Variants in PMS1 observed in about 807,000 individuals in gnomAD.
PMS1 encodes PMS1 protein homolog 1.
A neutral mutation model predicts 93.1 loss-of-function variants in PMS1; 79 were observed. That is an observed-to-expected ratio of 0.85 (90% CI 0.71 to 1.02). The LOEUF (loss-of-function observed/expected upper bound fraction) is 1.02, where lower values mean the gene tolerates loss of function less well. Ranked by LOEUF, PMS1 falls within the 50% of genes least tolerant of loss-of-function variation. The pLI, the probability that PMS1 is intolerant of heterozygous loss-of-function variation, is 0.00. For missense variants in PMS1, 1,064 were observed against 1,085.3 expected (o/e 0.98, Z 0.28); for synonymous variants, 335 against 363.4 (o/e 0.92, Z 0.89).
chr2:189,847,044 T>C (rs1474438270), intron 6 of PMS1, among the ~76,000 whole-genome samples: 2 of 151,992 alleles, frequency 1.3e-5, no homozygotes, highest in African/African-American at 4.8e-5. Context: ...GTATTTTTAA[T>C]AGAGATGGGG....
Position 189,863,836 on chromosome 2 carries a change from C to T in PMS1, c.1950C>T (p.Gly650=), listed in dbSNP as rs2056296440. 1 of 1,613,720 alleles carries T rather than the reference C, an allele frequency of 6.2e-7. No individual in the cohort carries two copies. The highest frequency in any genetic ancestry group is 1.1e-5 in the South Asian group (1 of 91,074). Residue 650 remains glycine (G), a synonymous_variant, in exon 10 of 13, where the codon GGC becomes GGT. Coordinates refer to ENST00000441310, the MANE Select transcript of PMS1 (RefSeq NM_000534.5). ...AGTCACAAATGTCACTAAAAGATGG[C>T]AGAAAAAAGATAAAACCCACCAGCG... ...EQESQMSLKD[G]RKKIKPTSAW...
intron 3 of PMS1, 51 bp from the exon 4 acceptor site, chr2:189,805,601 C>T: frequency 7.5e-7 from 1 of 1,333,142 alleles, no homozygotes; most frequent in East Asian, 2.3e-5. Flanking sequence ...TGATAATGAA[C>T]CCATCGCAAT....
chr2:189,870,924 G>A (rs914136408), intron 11 of PMS1, among the ~76,000 whole-genome samples: 1 of 152,208 alleles, frequency 6.6e-6, no homozygotes. Flanking sequence ...ACCTGAGACT[G>A]TGTAAGACTC....
At chr2:189,872,799 AT>A (rs947221648) in intron 11 of PMS1, among the ~76,000 whole-genome samples, 8 of 151,428 alleles carry the variant, frequency 5.3e-5, no homozygotes, top group African/African-American at 1.7e-4. Context: ...CACTCGTCTA[AT>A]TTTTTTTGTA....
chr2:189,843,542 C>T (rs113172785), intron 5 of PMS1, among the ~76,000 whole-genome samples: 393 of 152,318 alleles, frequency 2.6e-3, no homozygotes, highest in African/African-American at 9.2e-3. Context: ...CTCAGTAAAA[C>T]AGTAATACCT....
intron 4 of PMS1, among the ~76,000 whole-genome samples, chr2:189,813,028 T>C (rs2050976189): frequency 6.6e-6 from 1 of 152,206 alleles, no homozygotes; most frequent in African/African-American, 2.4e-5. Context: ...ATTTACAAGA[T>C]TAACTGGTAA....
intron 9 of PMS1, chr2:189,855,932 A>C: frequency 9.3e-5 from 71 of 764,894 alleles, no homozygotes; most frequent in Non-Finnish European, 1.1e-4. Flanking sequence ...TGAGTATCTC[A>C]ATATTATGTC....
In PMS1 at chr2:189,844,856, TTTC is replaced by T. The variant is rs1425499628; in HGVS notation, c.699+782_699+784del. Among the ~76,000 whole-genome samples, 4 of 151,880 alleles carry T rather than the reference TTTC, an allele frequency of 2.6e-5. No individual in the cohort carries two copies. The South Asian group carries it at 8.3e-4, about 32-fold the overall frequency. On this transcript the variant is annotated intron_variant, in intron 6 of 12. Transcript: ENST00000441310. Reference sequence around the variant, plus strand: ...CAAGCTTAATTATATATATAATTTTTTTCTTCTTTCTTTTTTTTTGAGACAGAG... The same window carrying T: ...CAAGCTTAATTATATATATAATTTTTTTCTTTCTTTTTTTTTGAGACAGAG...
intron 9 of PMS1, among the ~76,000 whole-genome samples, chr2:189,861,432 T>G (rs962805562): frequency 2.0e-5 from 3 of 151,580 alleles, no homozygotes; most frequent in Non-Finnish European, 2.9e-5. Flanking sequence ...ATAGCCAAAT[T>G]CTGGGTTCTT....
chr2:189,844,591 C>A (rs914503612), intron 6 of PMS1, among the ~76,000 whole-genome samples: 3 of 145,718 alleles, frequency 2.1e-5, no homozygotes, highest in Non-Finnish European at 4.5e-5. Flanking sequence ...TTGCAGTGAG[C>A]CGAGATTGCA....
intron 12 of PMS1, among the ~76,000 whole-genome samples, chr2:189,876,860 C>T (rs2057618254): frequency 6.6e-6 from 1 of 150,670 alleles, no homozygotes; most frequent in East Asian, 2.0e-4. Flanking sequence ...AGTTCTCCTG[C>T]CTTGTCTCCC....
chr2:189,855,919 A>G (rs1324925651), intron 9 of PMS1: 2 of 866,840 alleles, frequency 2.3e-6, no homozygotes, highest in South Asian at 2.8e-5. Flanking sequence ...ATATACAGGT[A>G]TCTGAGTATC....
At chr2:189,817,746 T>C (rs2051451681) in intron 4 of PMS1, among the ~76,000 whole-genome samples, 1 of 152,250 alleles carries the variant, frequency 6.6e-6, no homozygotes, top group Admixed American at 6.5e-5. Flanking sequence ...TACTGCGTTC[T>C]TGTAAGCCCA....
chr2:189,817,425 G>A (rs1245975385), intron 4 of PMS1, among the ~76,000 whole-genome samples: 1 of 152,124 alleles, frequency 6.6e-6, no homozygotes, highest in African/African-American at 2.4e-5. Flanking sequence ...ATTTTATGTG[G>A]TAGTGGTGTT....
intron 4 of PMS1, among the ~76,000 whole-genome samples, chr2:189,811,955 T>C (rs995958163): frequency 6.6e-6 from 1 of 152,168 alleles, no homozygotes; most frequent in African/African-American, 2.4e-5. Flanking sequence ...TGACTTCCCA[T>C]TGGAAACATA....
chr2:189,850,976 T>G (rs887574694), intron 6 of PMS1, among the ~76,000 whole-genome samples: 3 of 152,210 alleles, frequency 2.0e-5, no homozygotes, highest in Admixed American at 6.5e-5. Context: ...ATTTTTGTTA[T>G]GCTTTTTAGG....
rs141859658 is a variant in PMS1, at chr2:189,875,762, G to A, written c.2635-1510G>A. ...GAGATCAGGAGTTTGAGACTAGCCT[G>A]GCCAACATGGTGAAGTCCCGTCTCT... On this transcript the variant is annotated intron_variant, in intron 12 of 12. Coordinates refer to ENST00000441310, the MANE Select transcript of PMS1 (RefSeq NM_000534.5). Among the ~76,000 whole-genome samples, 968 of 151,994 alleles carry A rather than the reference G, an allele frequency of 6.4e-3. 7 individuals are homozygous for A. The highest frequency in any genetic ancestry group is 8.2e-3 in the Non-Finnish European group (557 of 67,946).
At chr2:189,844,369 C>T (rs2054067301) in intron 6 of PMS1, among the ~76,000 whole-genome samples, 1 of 152,078 alleles carries the variant, frequency 6.6e-6, no homozygotes, top group Non-Finnish European at 1.5e-5. Flanking sequence ...GTTGGCTGGG[C>T]ATGGTGACTC....
chr2:189,818,959 G>A (rs2051574132), intron 5 of PMS1, among the ~76,000 whole-genome samples: 1 of 152,208 alleles, frequency 6.6e-6, no homozygotes, highest in Non-Finnish European at 1.5e-5. Context: ...TGGATATGTT[G>A]TGTAGTGGCG....
Sources: gnomAD v4.1 joint callset for allele counts (sites outside exome capture counted in the v4.1 genomes callset) on GRCh38, gnomAD v4.1.1 for gene constraint, MANE v1.5 for transcripts, NCBI Gene and HGNC (gene_info 2026-07-23, HGNC 2026-07-21) for gene names.